DMBT1: variants seen among roughly 807,000 people sequenced by gnomAD.
DMBT1 encodes the protein scavenger receptor cysteine-rich domain-containing protein DMBT1.
A neutral mutation model predicts 252.9 loss-of-function variants in DMBT1; 198 were observed. That is an observed-to-expected ratio of 0.78 (90% CI 0.70 to 0.88). DMBT1 has a LOEUF of 0.88. Ranked by LOEUF, DMBT1 falls within the 40% of genes least tolerant of loss-of-function variation. The probability of loss-of-function intolerance (pLI) is 0.00; values close to 1 mark genes in which losing one functional copy is unlikely to be tolerated. For synonymous variants in DMBT1, 990 were observed against 942.7 expected, an observed-to-expected ratio of 1.05 and a Z score of -0.92; for missense variants, 2,432 against 2,404.7, an observed-to-expected ratio of 1.01 and a Z score of -0.24.
chr10:122,570,237 G>T (rs780491542), intron 3 of DMBT1, 28 bp downstream of exon 3: 2 of 1,523,828 alleles, frequency 1.3e-6, no homozygotes, highest in South Asian at 2.2e-5. Context: ...GGAACCCTGT[G>T]GGCTCATTAC....
At chr10:122,561,941 T>C (rs1370279789) in intron 1 of DMBT1, among the ~76,000 whole-genome samples, 1 of 151,092 alleles carries the variant, frequency 6.6e-6, no homozygotes, top group Admixed American at 6.6e-5. Flanking sequence ...ATTGGGCAAC[T>C]ATTATCACCT....
In DMBT1 at chr10:122,570,947, A is replaced by C. The variant is rs766883790; in HGVS notation, c.187+10A>C. The C allele has an allele frequency of 6.2e-7, 1 of 1,612,446 alleles. No individual in the cohort carries two copies. Among genetic ancestry groups the C allele is most frequent in the African/African-American group, 1.3e-5 (1 of 75,008 alleles). ...TCAACTGTAGCAGAAGGTAACGTCT[A>C]CTATGGGGGATCCCTGTGGGCTCAT... On this transcript the variant is annotated intron_variant, in intron 4 of 55. Coordinates refer to ENST00000338354, the MANE Select transcript of DMBT1 (RefSeq NM_001377530.1).
intron 4 of DMBT1, among the ~76,000 whole-genome samples, 187 bp downstream of exon 4, chr10:122,571,124 G>A (rs539027597): frequency 2.7e-4 from 41 of 152,352 alleles, no homozygotes; most frequent in African/African-American, 6.5e-4. Context: ...ACATGAGCAC[G>A]TGTTTGTACA....
chr10:122,584,376 G>A, intron 14 of DMBT1, 25 bp downstream of exon 14: 2 of 478,104 alleles, frequency 4.2e-6, no homozygotes, highest in South Asian at 5.9e-5. Context: ...TCCTTCCTTG[G>A]GATGTCCCTT....
chr10:122,579,878 A>C lies in DMBT1; in HGVS notation c.980A>C (p.Glu327Ala), dbSNP rs572717565. 4.3e-6 allele frequency: 7 copies of C among 1,613,816 alleles called. No homozygotes were observed. In the East Asian group the frequency reaches 1.3e-4, roughly 31 times the overall value. The change falls in exon 10 of 56, where the codon GAA becomes GCA. Residue 327 changes from glutamate (E) to alanine (A), a missense_variant. Physicochemically the swap from Glu to Ala is moderately radical, Grantham distance 107. Coordinates refer to ENST00000338354, the MANE Select transcript of DMBT1 (RefSeq NM_001377530.1). ...GWLTHNCGHS[E>A]DAGVICSAPQ... ...CTCACCCACAACTGTGGCCATAGTG[A>C]AGACGCTGGTGTCATCTGCTCAGGT...
rs147865628 is a variant in DMBT1 at position 122,625,913 on chromosome 10, A to T, written c.5636-20A>T. 1,065 of 1,604,690 alleles carry T rather than the reference A, an allele frequency of 6.6e-4. 3 individuals carry two copies. In the African/African-American group the frequency reaches 0.012, roughly 18 times the overall value. ...AAAATTATCTACTAAAATCCTAAAC[A>T]GCTTCATTTTTTTTTCTAGATTGGT... is the stretch of plus-strand genomic sequence containing the variant. On this transcript the variant is annotated intron_variant, in intron 45 of 55. Transcript: ENST00000338354.
intron 6 of DMBT1, among the ~76,000 whole-genome samples, chr10:122,574,477 G>C (rs2981806): frequency 0.69 from 104,382 of 151,946 alleles, 36,059 homozygotes; most frequent in East Asian, 0.77. Flanking sequence ...CATGCATCGG[G>C]CCCTCCTGTT....
At chr10:122,625,542 G>A (rs554554950) in intron 45 of DMBT1, among the ~76,000 whole-genome samples, 1 of 152,372 alleles carries the variant, frequency 6.6e-6, no homozygotes, top group South Asian at 2.1e-4. Context: ...AGTGCTGGCA[G>A]AGATGCTGCT....
intron 50 of DMBT1, among the ~76,000 whole-genome samples, chr10:122,632,161 G>T (rs1424942164): frequency 6.6e-6 from 1 of 152,038 alleles, no homozygotes; most frequent in Non-Finnish European, 1.5e-5. Flanking sequence ...ACCAGTGTTG[G>T]CCAAATGGGG....
In DMBT1 at chr10:122,632,764, C is replaced by G. The variant is rs534722287; in HGVS notation, c.6368-97C>G. The G allele has an allele frequency of 3.0e-5, 46 of 1,518,964 alleles. No individual in the cohort carries two copies. The South Asian group carries it at 5.2e-4, about 17-fold the overall frequency. The allele number at this position is 1,518,964 out of a possible 1,614,324, so 94.1% of individuals were successfully genotyped here. A position where few individuals can be genotyped will look rare whatever the true frequency, so the allele number is the denominator to read the frequency against. Reference sequence around the variant, plus strand: ...CCTGTGTCCAGCTCCTCCCTGTGGACTCAGGCTTGGCACAGCATCTGCACA... The same window carrying G: ...CCTGTGTCCAGCTCCTCCCTGTGGAGTCAGGCTTGGCACAGCATCTGCACA... On this transcript the variant is annotated intron_variant, in intron 50 of 55. Transcript: ENST00000338354.
intron 1 of DMBT1, among the ~76,000 whole-genome samples, chr10:122,561,434 G>C (rs1236063468): frequency 5.4e-5 from 5 of 92,708 alleles, no homozygotes; most frequent in Non-Finnish European, 1.2e-4. Context: ...TGTTCTTAGA[G>C]AGTCAGATGA....
chr10:122,598,192 A>T (rs1267919562), intron 25 of DMBT1, among the ~76,000 whole-genome samples, 180 bp downstream of exon 25: 2 of 151,934 alleles, frequency 1.3e-5, no homozygotes, highest in African/African-American at 2.4e-5. Flanking sequence ...TGGAGGCTGG[A>T]GGGTGCTGGT....
At chr10:122,592,875 C>A (rs982541306) in intron 20 of DMBT1, among the ~76,000 whole-genome samples, 1 of 148,416 alleles carries the variant, frequency 6.7e-6, no homozygotes, top group African/African-American at 2.4e-5. Context: ...GCTGGCTCCC[C>A]AGGGTTCCAT....
intron 20 of DMBT1, 99 bp downstream of exon 20, chr10:122,592,694 A>G: frequency 3.2e-6 from 5 of 1,538,476 alleles, no homozygotes; most frequent in African/African-American, 1.4e-5. Flanking sequence ...AGATTCTTCT[A>G]TGTTTCCTAT....
intron 10 of DMBT1, 23 bp downstream of exon 10, chr10:122,579,924 T>A: frequency 2.5e-6 from 4 of 1,613,828 alleles, no homozygotes; most frequent in Non-Finnish European, 3.4e-6. Flanking sequence ...GAACTTGGGC[T>A]CACTCTCTTG....
At position 122,576,682 on chromosome 10, in the gene DMBT1, T is replaced by C. The variant is rs772587762; in HGVS notation, c.567T>C (p.His189=). Residue 189 remains histidine (H), a synonymous_variant, in exon 7 of 56, where the codon CAT becomes CAC. Coordinates refer to ENST00000338354, the MANE Select transcript of DMBT1 (RefSeq NM_001377530.1). ...GCCCCCACAATGGCTGGCTCTCCCA[T>C]AACTGTGGCCATGGTGAAGATGCTG... is the stretch of plus-strand genomic sequence containing the variant. The part of the protein sequence containing the change: ...WSCPHNGWLS[H]NCGHGEDAGV... 7 of 1,613,770 alleles carry C rather than the reference T, an allele frequency of 4.3e-6. No individual in the cohort carries two copies. Among genetic ancestry groups the C allele is most frequent in the Non-Finnish European group, 5.9e-6 (7 of 1,179,728 alleles).
intron 44 of DMBT1, among the ~76,000 whole-genome samples, chr10:122,623,793 G>C (rs1591504705): frequency 6.6e-6 from 1 of 152,234 alleles, no homozygotes; most frequent in East Asian, 1.9e-4. Context: ...TCACAGGACA[G>C]GGTTCAGGTA....
chr10:122,629,388 C>A (rs551095659), intron 46 of DMBT1, among the ~76,000 whole-genome samples: 1 of 152,284 alleles, frequency 6.6e-6, no homozygotes, highest in South Asian at 2.1e-4. Flanking sequence ...CCTAACCCAA[C>A]GTTGTGCTAC....
chr10:122,576,286 T>C lies in DMBT1; in HGVS notation c.284-113T>C, dbSNP rs1331503179. 6.2e-6 allele frequency: 9 copies of C among 1,448,470 alleles called. No individual in the cohort carries two copies. In the Admixed American group the frequency reaches 2.0e-4, roughly 32 times the overall value. The allele number at this position is 1,448,470 out of a possible 1,614,324, so 89.7% of individuals were successfully genotyped here. A position where few individuals can be genotyped will look rare whatever the true frequency, so the allele number is the denominator to read the frequency against. On this transcript the variant is annotated intron_variant, in intron 6 of 55. Transcript: ENST00000338354. ...AAGGCCTGTTAAAGCCCAGCCCAATTAGAGATTCTCTCAAAGATATCTGCC... is the reference window on the plus strand; with the variant it reads ...AAGGCCTGTTAAAGCCCAGCCCAATCAGAGATTCTCTCAAAGATATCTGCC...
Sources: allele counts gnomAD v4.1 joint callset (sites outside exome capture counted in the v4.1 genomes callset), GRCh38; gene constraint gnomAD v4.1.1; transcripts MANE v1.5; gene names NCBI Gene and HGNC (gene_info 2026-07-23, HGNC 2026-07-21).